Variants in NFATC3 observed in about 807,000 individuals in gnomAD.
NFATC3 encodes the protein nuclear factor of activated T-cells, cytoplasmic 3.
NFATC3 carries 46 observed loss-of-function variants against 98.6 expected under a neutral mutation model. The ratio of observed to expected loss-of-function variants is 0.47; its 90% CI spans 0.37 to 0.60. The LOEUF (loss-of-function observed/expected upper bound fraction) is 0.60. Among genes scored for constraint, NFATC3 ranks in the 20% least tolerant of loss-of-function variants. The pLI is 0.00. For missense variants in NFATC3, 1,256 were observed against 1,295.5 expected, an observed-to-expected ratio of 0.97 and a Z score of 0.47; for synonymous variants, 512 against 472.2, an observed-to-expected ratio of 1.08 and a Z score of -1.09.
chr16:68,211,510 TTTGTTGTTGTTGTTG>T (rs200230482), intron 9 of NFATC3, among the ~76,000 whole-genome samples: 2 of 145,070 alleles, frequency 1.4e-5, no homozygotes, highest in South Asian at 2.2e-4. Context: ...GTAAATGTTT[TTTGTTGTTGTTGTTG>T]TTGTTGTTGT....
intron 3 of NFATC3, among the ~76,000 whole-genome samples, chr16:68,151,503 C>T (rs2038317239): frequency 6.6e-6 from 1 of 152,104 alleles, no homozygotes; most frequent in African/African-American, 2.4e-5. Context: ...TTAATATATA[C>T]TAAGGAGTTC....
intron 7 of NFATC3, 23 bp downstream of exon 7, chr16:68,181,553 TAAG>T: frequency 6.6e-7 from 1 of 1,514,156 alleles, no homozygotes; most frequent in Non-Finnish European, 9.2e-7. Context: ...CCTTAATTCT[TAAG>T]AAATATTTAA....
intron 1 of NFATC3, among the ~76,000 whole-genome samples, chr16:68,090,399 C>T (rs527820105): frequency 6.7e-6 from 1 of 150,264 alleles, no homozygotes; most frequent in Non-Finnish European, 1.5e-5. Context: ...CCCTTCTCCA[C>T]ATGCTAAATT....
intron 1 of NFATC3, among the ~76,000 whole-genome samples, chr16:68,094,396 A>G (rs1484411938): frequency 6.6e-6 from 1 of 152,026 alleles, no homozygotes; most frequent in Non-Finnish European, 1.5e-5. Flanking sequence ...TCATTTTTCA[A>G]GGTTAACATT....
rs1174161190 is a variant in NFATC3 at position 68,224,126 on chromosome 16, T to TA, written c.3107-2204dup. On this transcript the variant is annotated intron_variant, in intron 9 of 9. Coordinates refer to ENST00000346183, the MANE Select transcript of NFATC3 (RefSeq NM_173165.3). ...CCGGACACGGTGGCATGCACCAGTT[T>TA]AAAAAAAAAAAAAAAAAAAAGCTTA... 6.6e-3 allele frequency among the ~76,000 whole-genome samples: 475 copies of TA among 72,426 alleles called. 1 individual carries two copies. The highest frequency in any genetic ancestry group is 7.1e-3 in the East Asian group (22 of 3,082). 47.5% of individuals were successfully genotyped at this position (72,426 alleles called of 152,430 possible).
At chr16:68,219,737 C>A (rs998039193) in intron 9 of NFATC3, among the ~76,000 whole-genome samples, 3 of 152,128 alleles carry the variant, frequency 2.0e-5, no homozygotes, top group Non-Finnish European at 2.9e-5. Flanking sequence ...TCTAAAAATA[C>A]CCCGAAATCC....
At chr16:68,182,995 TCTG>T (rs1299962892) in intron 7 of NFATC3, among the ~76,000 whole-genome samples, 3 of 152,246 alleles carry the variant, frequency 2.0e-5, no homozygotes, top group Non-Finnish European at 4.4e-5. Context: ...ACTTTTTACT[TCTG>T]CTACAACCAG....
chr16:68,143,083 A>G (rs2037840601), intron 3 of NFATC3, among the ~76,000 whole-genome samples: 1 of 152,000 alleles, frequency 6.6e-6, no homozygotes, highest in African/African-American at 2.4e-5. Context: ...AAATAAAAAT[A>G]AAAAATTTAA....
chr16:68,224,444 T>G (rs890045270), intron 9 of NFATC3, among the ~76,000 whole-genome samples: 2 of 151,468 alleles, frequency 1.3e-5, no homozygotes, highest in African/African-American at 4.9e-5. Context: ...GCCTGGCTAA[T>G]TTTTGTATTT....
At position 68,222,289 on chromosome 16, in the gene NFATC3, C is replaced by CCAAAAAAAAAAA. The variant is rs1372339245; in HGVS notation, c.3107-4061_3107-4060insCAAAAAAAAAAA. On this transcript the variant is annotated intron_variant, in intron 9 of 9. Coordinates refer to ENST00000346183, the MANE Select transcript of NFATC3 (RefSeq NM_173165.3). ...GGGCAACAGAGTGAGACCCCATTGC[C>CCAAAAAAAAAAA]AAAAAAAAAAAAAAAAAAAAAAAAA... Among the ~76,000 whole-genome samples the CCAAAAAAAAAAA allele has an allele frequency of 1.5e-4, 4 of 26,406 alleles. 1 individual carries two copies. Among genetic ancestry groups the CCAAAAAAAAAAA allele is most frequent in the African/African-American group, 3.7e-4 (4 of 10,742 alleles). 17.3% of individuals were successfully genotyped at this position (26,406 alleles called of 152,430 possible).
intron 3 of NFATC3, among the ~76,000 whole-genome samples, chr16:68,138,955 C>A (rs1404008528): frequency 6.6e-6 from 1 of 152,136 alleles, no homozygotes; most frequent in Non-Finnish European, 1.5e-5. Context: ...TTTAATCATT[C>A]ATTGCTTAAT....
intron 2 of NFATC3, among the ~76,000 whole-genome samples, chr16:68,123,581 G>A (rs1004621799): frequency 2.0e-5 from 3 of 151,720 alleles, no homozygotes; most frequent in Admixed American, 6.6e-5. Flanking sequence ...TGGAAGGATT[G>A]CTTGAGCCCA....
At position 68,122,713 on chromosome 16, in the gene NFATC3, C is replaced by G. The variant is rs766454674; in HGVS notation, c.830C>G (p.Ser277Cys). The change falls in exon 2 of 10, where the codon TCC becomes TGC. Residue 277 changes from serine to cysteine, a missense_variant. Physicochemically the swap from Ser to Cys is moderately radical, Grantham distance 112. Around this residue, in one of 3 missense-constraint regions of NFATC3, gnomAD observed 464 missense variants for 465.7 expected, o/e 1.00. Coordinates refer to ENST00000346183, the MANE Select transcript of NFATC3 (RefSeq NM_173165.3). ...PTSPCGKRRHSSAEVCYAGSL... is the reference protein window; with the variant it reads ...PTSPCGKRRHCSAEVCYAGSL... Reference sequence around the variant, plus strand: ...TCCCCCTGTGGGAAACGGAGGCACTCCAGTGCTGAAGTTTGTTATGCTGGG... The same window carrying G: ...TCCCCCTGTGGGAAACGGAGGCACTGCAGTGCTGAAGTTTGTTATGCTGGG... 2 of 1,614,104 alleles carry G rather than the reference C, an allele frequency of 1.2e-6. No homozygotes were observed. Among genetic ancestry groups the G allele is most frequent in the South Asian group, 2.2e-5 (2 of 91,090 alleles).
chr16:68,199,220 T>A (rs888343123), intron 9 of NFATC3, among the ~76,000 whole-genome samples: 6 of 149,234 alleles, frequency 4.0e-5, no homozygotes, highest in Non-Finnish European at 5.9e-5. Flanking sequence ...TGTTTATTTT[T>A]TTTTTATTTT....
chr16:68,164,418 G>C (rs932217616), intron 4 of NFATC3, among the ~76,000 whole-genome samples: 2 of 152,170 alleles, frequency 1.3e-5, no homozygotes, highest in Non-Finnish European at 2.9e-5. Context: ...GAGAGGGAGA[G>C]GGAGAGGGAG....
intron 4 of NFATC3, among the ~76,000 whole-genome samples, chr16:68,166,480 A>G (rs1457018311): frequency 2.0e-5 from 3 of 152,218 alleles, no homozygotes; most frequent in Non-Finnish European, 2.9e-5. Flanking sequence ...TGCTAGGCTC[A>G]TAACTTGCAT....
At chr16:68,187,265 C>A (rs2040243616) in intron 8 of NFATC3, among the ~76,000 whole-genome samples, 1 of 152,214 alleles carries the variant, frequency 6.6e-6, no homozygotes, top group African/African-American at 2.4e-5. Flanking sequence ...ATGCCAGGAA[C>A]CTCAGAGCCC....
intron 3 of NFATC3, among the ~76,000 whole-genome samples, chr16:68,145,250 C>T (rs1406143288): frequency 6.6e-6 from 1 of 151,874 alleles, no homozygotes; most frequent in Non-Finnish European, 1.5e-5. Flanking sequence ...CCCAAGCCGT[C>T]CTCCAATCTC....
At chr16:68,168,726 T>A (rs2039330428) in intron 5 of NFATC3, among the ~76,000 whole-genome samples, 1 of 151,966 alleles carries the variant, frequency 6.6e-6, no homozygotes, top group South Asian at 2.1e-4. Context: ...CCTCGTGATC[T>A]GCCCACCTTG....
Sources: allele counts gnomAD v4.1 joint callset (sites outside exome capture counted in the v4.1 genomes callset), GRCh38; gene constraint gnomAD v4.1.1; regional missense constraint gnomAD v4.1.1; transcripts MANE v1.5; gene names NCBI Gene and HGNC (gene_info 2026-07-23, HGNC 2026-07-21).